EXOC4: variants seen among roughly 807,000 people sequenced by gnomAD.
EXOC4 encodes exocyst complex component 4, also known as SEC8-like 1.
A neutral mutation model predicts 107.2 loss-of-function variants in EXOC4; 71 were observed. The ratio of observed to expected loss-of-function variants is 0.66; its 90% CI spans 0.55 to 0.81. EXOC4 has a LOEUF of 0.81. Ranked by LOEUF, EXOC4 falls within the 30% of genes least tolerant of loss-of-function variation. The pLI is 0.00. For synonymous variants in EXOC4, 456 were observed against 441.2 expected, an observed-to-expected ratio of 1.03 and a Z score of -0.42; for missense variants, 1,108 against 1,189.6, an observed-to-expected ratio of 0.93 and a Z score of 1.01.
At chr7:133,611,425 AAAGAC>A (rs2150997071) in intron 9 of EXOC4, among the ~76,000 whole-genome samples, 1 of 152,310 alleles carries the variant, frequency 6.6e-6, no homozygotes, top group East Asian at 1.9e-4. Flanking sequence ...CTGAGTTTTT[AAAGAC>A]ATGATCTTCT....
chr7:133,768,835 A>T (rs1484550883), intron 10 of EXOC4, among the ~76,000 whole-genome samples: 1 of 151,922 alleles, frequency 6.6e-6, no homozygotes. Flanking sequence ...GAGTCAGATG[A>T]GTAAGTAGAT....
chr7:133,508,793 T>C (rs1430549241), intron 9 of EXOC4, among the ~76,000 whole-genome samples: 1 of 152,174 alleles, frequency 6.6e-6, no homozygotes, highest in Non-Finnish European at 1.5e-5. Context: ...GTTACTCCAA[T>C]AGAGATTTCA....
intron 1 of EXOC4, among the ~76,000 whole-genome samples, chr7:133,268,440 G>T (rs926342790): frequency 6.6e-6 from 1 of 152,076 alleles, no homozygotes; most frequent in Admixed American, 6.5e-5. Context: ...ATTTTCACAG[G>T]TGTGCTTTTT....
At chr7:133,323,853 C>T (rs930524834) in intron 5 of EXOC4, among the ~76,000 whole-genome samples, 11 of 151,694 alleles carry the variant, frequency 7.3e-5, no homozygotes, top group African/African-American at 2.2e-4. Context: ...ACTTTTTTTT[C>T]GTTGGTAAGC....
At chr7:133,582,141 A>G (rs1014503021) in intron 9 of EXOC4, among the ~76,000 whole-genome samples, 1 of 152,062 alleles carries the variant, frequency 6.6e-6, no homozygotes, top group Admixed American at 6.6e-5. Context: ...CTCTACCCTC[A>G]AGTAGGCCCC....
chr7:133,550,934 G>C (rs1012970452), intron 9 of EXOC4, among the ~76,000 whole-genome samples: 1 of 151,562 alleles, frequency 6.6e-6, no homozygotes, highest in Non-Finnish European at 1.5e-5. Flanking sequence ...TCAGCAAAAA[G>C]TTCTTACACG....
intron 10 of EXOC4, among the ~76,000 whole-genome samples, chr7:133,650,751 A>C (rs189184810): frequency 6.6e-6 from 1 of 152,230 alleles, no homozygotes; most frequent in Non-Finnish European, 1.5e-5. Context: ...GTAATCAGCA[A>C]CCTACCCTGC....
the EXOC4 span, among the ~76,000 whole-genome samples, chr7:134,088,550 A>G: frequency 2.6e-5 from 4 of 152,208 alleles, no homozygotes; most frequent in Non-Finnish European, 5.9e-5. Context: ...TACTCCATGC[A>G]GTTAACTTCT....
At chr7:133,626,637 A>G (rs1802463344) in intron 9 of EXOC4, among the ~76,000 whole-genome samples, 1 of 152,206 alleles carries the variant, frequency 6.6e-6, no homozygotes, top group Admixed American at 6.5e-5. Flanking sequence ...TATGTGAATC[A>G]GTAGTCATCC....
the EXOC4 span, among the ~76,000 whole-genome samples, chr7:134,085,336 A>C: frequency 0.029 from 4,365 of 152,122 alleles, 192 homozygotes; most frequent in African/African-American, 0.091. Flanking sequence ...AAACAACAAA[A>C]AAAAAAAAAC....
chr7:133,712,670 C>G (rs1354661857), intron 10 of EXOC4, among the ~76,000 whole-genome samples: 1 of 152,066 alleles, frequency 6.6e-6, no homozygotes, highest in Non-Finnish European at 1.5e-5. Flanking sequence ...TAATAAAGCT[C>G]TATTCACAAT....
At chr7:133,404,103 T>G (rs901926380) in intron 7 of EXOC4, among the ~76,000 whole-genome samples, 30 of 152,154 alleles carry the variant, frequency 2.0e-4, no homozygotes, top group African/African-American at 3.6e-4. Context: ...CTTAACTTTT[T>G]TTTGTTTGTT....
At chr7:133,569,200 A>G (rs1800968589) in intron 9 of EXOC4, among the ~76,000 whole-genome samples, 1 of 152,170 alleles carries the variant, frequency 6.6e-6, no homozygotes, top group Non-Finnish European at 1.5e-5. Context: ...AAAGCCTCAG[A>G]TAACTTGAAA....
At chr7:133,930,015 T>A (rs750064022) in intron 13 of EXOC4, among the ~76,000 whole-genome samples, 1 of 152,206 alleles carries the variant, frequency 6.6e-6, no homozygotes, top group Non-Finnish European at 1.5e-5. Context: ...ATCAATAAGC[T>A]GGTATACTCA....
At chr7:133,785,891 G>C (rs1796559686) in intron 10 of EXOC4, among the ~76,000 whole-genome samples, 1 of 152,094 alleles carries the variant, frequency 6.6e-6, no homozygotes, top group Non-Finnish European at 1.5e-5. Context: ...GGATGGTCTT[G>C]ATCTCCTGAC....
intron 10 of EXOC4, among the ~76,000 whole-genome samples, chr7:133,815,107 A>C (rs922178541): frequency 6.6e-6 from 1 of 152,182 alleles, no homozygotes; most frequent in African/African-American, 2.4e-5. Context: ...CATGACTTTA[A>C]AATTTTTTAT....
At chr7:133,722,024 A>T (rs960099036) in intron 10 of EXOC4, among the ~76,000 whole-genome samples, 19 of 152,152 alleles carry the variant, frequency 1.2e-4, no homozygotes, top group Non-Finnish European at 1.9e-4. Context: ...TTGAGTTTGA[A>T]CATACTGAAT....
intron 10 of EXOC4, among the ~76,000 whole-genome samples, chr7:133,678,407 A>G (rs1313972848): frequency 6.6e-6 from 1 of 152,258 alleles, no homozygotes; most frequent in South Asian, 2.1e-4. Context: ...TCACAGAGAA[A>G]TAATTTAAAG....
intron 11 of EXOC4, among the ~76,000 whole-genome samples, chr7:133,884,399 T>C (rs1296334358): frequency 6.6e-6 from 1 of 152,176 alleles, no homozygotes; most frequent in African/African-American, 2.4e-5. Context: ...ATCCCCCATA[T>C]GGCTGGTGTT....
Sources: allele counts gnomAD v4.1 joint callset (sites outside exome capture counted in the v4.1 genomes callset), GRCh38; gene constraint gnomAD v4.1.1; transcripts MANE v1.5; gene names NCBI Gene and HGNC (gene_info 2026-07-23, HGNC 2026-07-21).